Variants in MB21D2 observed in about 807,000 individuals in gnomAD.
MB21D2 encodes Mab-21 domain containing 2.
A neutral mutation model predicts 33.3 loss-of-function variants in MB21D2; 9 were observed. The ratio of observed to expected loss-of-function variants is 0.27; its 90% CI spans 0.16 to 0.47. The LOEUF (loss-of-function observed/expected upper bound fraction) is 0.47, where lower values mean the gene tolerates loss of function less well. Ranked by LOEUF, MB21D2 falls within the 20% of genes least tolerant of loss-of-function variation. MB21D2 has a pLI of 0.99. For missense variants in MB21D2, 540 were observed against 624.6 expected (o/e 0.86, Z 1.44); for synonymous variants, 241 against 236.3 (o/e 1.02, Z -0.18).
chr3:192,867,840 C>G (rs1052484747), intron 1 of MB21D2, among the ~76,000 whole-genome samples: 4 of 152,160 alleles, frequency 2.6e-5, no homozygotes, highest in Non-Finnish European at 5.9e-5. Context: ...AATGTTCTCT[C>G]TGGGAGCCCG....
intron 1 of MB21D2, among the ~76,000 whole-genome samples, chr3:192,809,011 A>G (rs538843560): frequency 3.3e-5 from 5 of 152,142 alleles, no homozygotes; most frequent in African/African-American, 1.2e-4. Context: ...CATTCATGCC[A>G]CTACCATGCA....
intron 1 of MB21D2, 64 bp downstream of exon 1, chr3:192,917,566 T>A (rs1026174145): frequency 1.6e-5 from 25 of 1,564,984 alleles, no homozygotes; most frequent in Non-Finnish European, 2.1e-5. Context: ...CGGCAATGGG[T>A]TTTCTACTCC....
chr3:192,799,622 AAGCTTTTGGTCC>A lies in MB21D2; in HGVS notation c.228_239del (p.Asp77_Leu80del). The A allele has an allele frequency of 1.2e-6, 2 of 1,614,006 alleles. No homozygotes were observed. The highest frequency in any genetic ancestry group is 1.7e-6 in the Non-Finnish European group (2 of 1,179,926). Reference sequence around the variant, plus strand: ...GCAACAGGTATTCATTAGCCACTGGAAGCTTTTGGTCCAGCTTTTGCACCATTCCTGGAAATA... The same window carrying A: ...GCAACAGGTATTCATTAGCCACTGGAAGCTTTTGCACCATTCCTGGAAATA... On this transcript the variant is annotated inframe_deletion, in exon 2 of 2. Transcript: ENST00000392452. The surrounding 1 kb of genome is among the most constrained non-coding windows in gnomAD (Gnocchi z 4.1).
intron 1 of MB21D2, among the ~76,000 whole-genome samples, chr3:192,909,456 A>C (rs1714291314): frequency 6.6e-6 from 1 of 152,138 alleles, no homozygotes; most frequent in African/African-American, 2.4e-5. Context: ...AATGCCTGGG[A>C]TTTCTATTGG....
intron 1 of MB21D2, among the ~76,000 whole-genome samples, chr3:192,823,323 G>A (rs1053691742): frequency 2.0e-5 from 3 of 152,158 alleles, no homozygotes; most frequent in African/African-American, 7.2e-5. Context: ...CTTGCAACTA[G>A]AGAATTCCTA....
intron 1 of MB21D2, among the ~76,000 whole-genome samples, chr3:192,908,938 G>C (rs1374286367): frequency 6.6e-6 from 1 of 151,932 alleles, no homozygotes; most frequent in African/African-American, 2.4e-5. Flanking sequence ...CATCACACAG[G>C]ATTTCCAAGA....
At chr3:192,881,138 T>C (rs1486789430) in intron 1 of MB21D2, among the ~76,000 whole-genome samples, 10 of 152,156 alleles carry the variant, frequency 6.6e-5, no homozygotes, top group African/African-American at 2.2e-4. Flanking sequence ...CAGTATTAAT[T>C]GCATTTTTTG....
intron 1 of MB21D2, among the ~76,000 whole-genome samples, chr3:192,905,470 A>G (rs1199609482): frequency 6.6e-6 from 1 of 151,482 alleles, no homozygotes; most frequent in Non-Finnish European, 1.5e-5. Flanking sequence ...AACCCCATCT[A>G]TACTAAAAAT....
At chr3:192,885,019 G>T (rs1026752830) in intron 1 of MB21D2, among the ~76,000 whole-genome samples, 1 of 152,046 alleles carries the variant, frequency 6.6e-6, no homozygotes. Flanking sequence ...GTTTCTGGAA[G>T]ATTAGAGATA....
At chr3:192,893,825 C>T (rs1273079568) in intron 1 of MB21D2, among the ~76,000 whole-genome samples, 1 of 152,056 alleles carries the variant, frequency 6.6e-6, no homozygotes, top group Non-Finnish European at 1.5e-5. Context: ...CGCTTGAGGC[C>T]AGGAGTTTGA....
chr3:192,847,018 T>C (rs991333286), intron 1 of MB21D2, among the ~76,000 whole-genome samples: 1 of 152,134 alleles, frequency 6.6e-6, no homozygotes, highest in African/African-American at 2.4e-5. Context: ...TAGAGCCCAG[T>C]TGGGGGAAGA....
At chr3:192,906,194 C>G (rs563070644) in intron 1 of MB21D2, among the ~76,000 whole-genome samples, 4 of 152,128 alleles carry the variant, frequency 2.6e-5, no homozygotes, top group Non-Finnish European at 5.9e-5. Flanking sequence ...GGGGTAAAAT[C>G]TGAGAATCAC....
intron 1 of MB21D2, among the ~76,000 whole-genome samples, chr3:192,816,247 G>A (rs1395145476): frequency 6.6e-6 from 1 of 151,594 alleles, no homozygotes; most frequent in African/African-American, 2.4e-5. Flanking sequence ...GTTCCGACTT[G>A]AGAAAGGTTA....
At chr3:192,884,650 A>G (rs963755181) in intron 1 of MB21D2, among the ~76,000 whole-genome samples, 1 of 151,984 alleles carries the variant, frequency 6.6e-6, no homozygotes, top group African/African-American at 2.4e-5. Flanking sequence ...TACAGGCGTG[A>G]GCCATCGCAC....
intron 1 of MB21D2, among the ~76,000 whole-genome samples, chr3:192,855,706 C>G (rs1712901448): frequency 6.6e-6 from 1 of 152,332 alleles, no homozygotes; most frequent in Admixed American, 6.5e-5. Flanking sequence ...GACTAACCTC[C>G]TCTCCACTTT....
At chr3:192,825,997 G>A (rs960676570) in intron 1 of MB21D2, among the ~76,000 whole-genome samples, 1 of 152,148 alleles carries the variant, frequency 6.6e-6, no homozygotes. Flanking sequence ...GTGTGGTCTA[G>A]CAGCAACAGC....
At chr3:192,866,144 T>C (rs755985763) in intron 1 of MB21D2, among the ~76,000 whole-genome samples, 1 of 152,206 alleles carries the variant, frequency 6.6e-6, no homozygotes, top group African/African-American at 2.4e-5. Flanking sequence ...CTGACCCTTG[T>C]GTACCAACAG....
intron 1 of MB21D2, among the ~76,000 whole-genome samples, chr3:192,873,308 C>T (rs950255368): frequency 1.2e-4 from 18 of 152,138 alleles, no homozygotes; most frequent in Admixed American, 3.3e-4. Flanking sequence ...TGACAGTACT[C>T]GACTGTGGTC....
At chr3:192,821,455 C>T (rs12633617) in intron 1 of MB21D2, among the ~76,000 whole-genome samples, 55,213 of 151,904 alleles carry the variant, frequency 0.36, 10,744 homozygotes, top group East Asian at 0.61. Flanking sequence ...GCACCTGCAG[C>T]TTTCAAACAC....
Sources: allele counts gnomAD v4.1 joint callset (sites outside exome capture counted in the v4.1 genomes callset), GRCh38; gene constraint gnomAD v4.1.1; non-coding constraint Gnocchi (gnomAD v3.1); transcripts MANE v1.5; gene names NCBI Gene and HGNC (gene_info 2026-07-23, HGNC 2026-07-21).